Variants in CREB5 observed in about 807,000 individuals in gnomAD.
CREB5 encodes the protein cAMP responsive element binding protein 5.
CREB5 carries 19 observed loss-of-function variants against 57.1 expected under a neutral mutation model. That is an observed-to-expected ratio of 0.33 (90% CI 0.23 to 0.49). CREB5 has a LOEUF of 0.49. Ranked by LOEUF, CREB5 falls within the 20% of genes least tolerant of loss-of-function variation. The pLI is 0.99. For missense variants in CREB5, 579 were observed against 671.6 expected, an observed-to-expected ratio of 0.86 and a Z score of 1.52; for synonymous variants, 238 against 238.3, an observed-to-expected ratio of 1.00 and a Z score of 0.01.
intron 1 of CREB5, among the ~76,000 whole-genome samples, chr7:28,461,606 G>A (rs927811225): frequency 2.0e-5 from 3 of 152,152 alleles, no homozygotes; most frequent in Non-Finnish European, 4.4e-5. Context: ...GCTAATGGCT[G>A]ATTTACATGA....
At chr7:28,640,357 C>T (rs1321988873) in intron 5 of CREB5, among the ~76,000 whole-genome samples, 1 of 152,106 alleles carries the variant, frequency 6.6e-6, no homozygotes, top group Non-Finnish European at 1.5e-5. Flanking sequence ...TAACAAATGC[C>T]CAAAACACTA....
chr7:28,813,472 C>T (rs1809246404), intron 9 of CREB5, among the ~76,000 whole-genome samples: 2 of 152,138 alleles, frequency 1.3e-5, no homozygotes, highest in Admixed American at 6.5e-5. Flanking sequence ...ACTTGGCAAG[C>T]GAATAGGCCA....
intron 5 of CREB5, among the ~76,000 whole-genome samples, chr7:28,696,507 T>C (rs943753577): frequency 4.6e-5 from 7 of 152,144 alleles, no homozygotes; most frequent in Non-Finnish European, 1.0e-4. Context: ...GTGAGAAGGA[T>C]CTTATAGGGT....
chr7:28,417,008 C>A (rs1417839425), intron 1 of CREB5, among the ~76,000 whole-genome samples: 2 of 152,162 alleles, frequency 1.3e-5, no homozygotes, highest in South Asian at 2.1e-4. Flanking sequence ...GCATAACAAG[C>A]TCTGTCCATT....
chr7:28,801,888 C>A (rs1302213368), intron 7 of CREB5, among the ~76,000 whole-genome samples: 1 of 151,514 alleles, frequency 6.6e-6, no homozygotes, highest in Non-Finnish European at 1.5e-5. Flanking sequence ...AGATGGAGAC[C>A]ATCACAGCCA....
At chr7:28,398,667 G>A (rs1403634373) in intron 1 of CREB5, among the ~76,000 whole-genome samples, 1 of 152,010 alleles carries the variant, frequency 6.6e-6, no homozygotes, top group Admixed American at 6.6e-5. Flanking sequence ...TGAAATTAAA[G>A]TAAATTTATG....
intron 9 of CREB5, among the ~76,000 whole-genome samples, chr7:28,812,067 C>G (rs1179681956): frequency 6.6e-6 from 1 of 152,190 alleles, no homozygotes; most frequent in Non-Finnish European, 1.5e-5. Flanking sequence ...GCACATCTTC[C>G]AACTATGACA....
At chr7:28,667,623 TAAAAA>T (rs963392555) in intron 5 of CREB5, among the ~76,000 whole-genome samples, 1 of 152,066 alleles carries the variant, frequency 6.6e-6, no homozygotes, top group African/African-American at 2.4e-5. Context: ...ATGAAACCGT[TAAAAA>T]AGAAAACTTC....
intron 5 of CREB5, among the ~76,000 whole-genome samples, chr7:28,625,788 G>C (rs1175604838): frequency 6.6e-6 from 1 of 152,180 alleles, no homozygotes; most frequent in Non-Finnish European, 1.5e-5. Flanking sequence ...TTTAAGAGGA[G>C]TAAATCAACA....
At chr7:28,411,257 G>A (rs1021028319), upstream of CREB5, among the ~76,000 whole-genome samples, 1 of 152,180 alleles carries the variant, frequency 6.6e-6, no homozygotes, top group Non-Finnish European at 1.5e-5. Flanking sequence ...TTCACTTTAC[G>A]TAGTGCCTGC....
At chr7:28,634,267 C>T (rs903164432) in intron 5 of CREB5, among the ~76,000 whole-genome samples, 6 of 152,260 alleles carry the variant, frequency 3.9e-5, no homozygotes, top group Non-Finnish European at 8.8e-5. Flanking sequence ...ATATTTTCAC[C>T]CAGAGCTTCA....
chr7:28,813,189 G>C (rs899430147), intron 9 of CREB5, among the ~76,000 whole-genome samples: 1 of 152,218 alleles, frequency 6.6e-6, no homozygotes, highest in Non-Finnish European at 1.5e-5. Flanking sequence ...ACTCAGGGAA[G>C]TCTCCTGTTG....
intron 7 of CREB5, among the ~76,000 whole-genome samples, chr7:28,736,032 C>G (rs561795442): frequency 2.2e-4 from 34 of 152,234 alleles, no homozygotes; most frequent in African/African-American, 7.2e-4. Flanking sequence ...CTCCTGGCCT[C>G]AAGCGATCCT....
At chr7:28,770,086 C>T (rs1156580466) in intron 7 of CREB5, among the ~76,000 whole-genome samples, 1 of 152,202 alleles carries the variant, frequency 6.6e-6, no homozygotes, top group African/African-American at 2.4e-5. Context: ...CTTCTTCCAA[C>T]AGCCGCATTC....
At chr7:28,376,583 T>C (rs554161588) in intron 1 of CREB5, among the ~76,000 whole-genome samples, 8 of 152,312 alleles carry the variant, frequency 5.3e-5, no homozygotes, top group South Asian at 2.1e-4. Context: ...GAAGTACCTT[T>C]ATGTTCTCAA....
chr7:28,360,849 T>C (rs1786461020), intron 1 of CREB5, among the ~76,000 whole-genome samples: 1 of 152,144 alleles, frequency 6.6e-6, no homozygotes, highest in Admixed American at 6.5e-5. Context: ...TTCCTAGTGG[T>C]GTGTGATGGG....
intron 1 of CREB5, among the ~76,000 whole-genome samples, chr7:28,392,895 T>G (rs1320903731): frequency 5.3e-5 from 8 of 151,992 alleles, no homozygotes; most frequent in African/African-American, 1.9e-4. Context: ...CCTTTTTAAT[T>G]AAAGCCATCT....
intron 1 of CREB5, among the ~76,000 whole-genome samples, chr7:28,299,636 T>A (rs1785066270): frequency 6.6e-6 from 1 of 152,266 alleles, no homozygotes; most frequent in South Asian, 2.1e-4. Flanking sequence ...GATATTCTTT[T>A]GTTATTGTCC....
chr7:28,790,314 C>T (rs1482417435), intron 7 of CREB5, among the ~76,000 whole-genome samples: 1 of 151,990 alleles, frequency 6.6e-6, no homozygotes, highest in East Asian at 1.9e-4. Flanking sequence ...CCCTCCTTGG[C>T]AAAGCATGCA....
Sources: gnomAD v4.1 joint callset for allele counts (sites outside exome capture counted in the v4.1 genomes callset) on GRCh38, gnomAD v4.1.1 for gene constraint, MANE v1.5 for transcripts, NCBI Gene and HGNC (gene_info 2026-07-23, HGNC 2026-07-21) for gene names.